COL26A1: variants seen among roughly 807,000 people sequenced by gnomAD.
COL26A1 encodes the protein collagen type XXVI alpha 1 chain.
A neutral mutation model predicts 59.3 loss-of-function variants in COL26A1; 41 were observed. That is an observed-to-expected ratio of 0.69 (90% CI 0.54 to 0.90). The LOEUF (loss-of-function observed/expected upper bound fraction) is 0.90, where lower values mean the gene tolerates loss of function less well. Among genes scored for constraint, COL26A1 ranks in the 40% least tolerant of loss-of-function variants. COL26A1 has a pLI of 0.00. For missense variants in COL26A1, 612 were observed against 602.3 expected, an observed-to-expected ratio of 1.02 and a Z score of -0.17; for synonymous variants, 266 against 256.0, an observed-to-expected ratio of 1.04 and a Z score of -0.37.
At chr7:101,377,025 AC>A (rs1447483201) in intron 1 of COL26A1, among the ~76,000 whole-genome samples, 1 of 151,854 alleles carries the variant, frequency 6.6e-6, no homozygotes, top group Non-Finnish European at 1.5e-5. Flanking sequence ...CACCTGGCTA[AC>A]TGTTGTATGT....
chr7:101,505,048 C>T (rs1373166003), intron 3 of COL26A1, among the ~76,000 whole-genome samples: 2 of 152,070 alleles, frequency 1.3e-5, no homozygotes, highest in Non-Finnish European at 2.9e-5. Context: ...CCAGCTATTC[C>T]AGAGGCTGAG....
intron 3 of COL26A1, among the ~76,000 whole-genome samples, chr7:101,522,291 C>G (rs538509237): frequency 5.6e-4 from 85 of 152,278 alleles, no homozygotes; most frequent in Non-Finnish European, 2.8e-4. Flanking sequence ...GCACCTGTGC[C>G]CAACTGGCTT....
chr7:101,443,364 G>A (rs1483274422), intron 2 of COL26A1, among the ~76,000 whole-genome samples: 1 of 152,080 alleles, frequency 6.6e-6, no homozygotes, highest in African/African-American at 2.4e-5. Flanking sequence ...CACGAGTGCA[G>A]GTTTTTGCTT....
intron 1 of COL26A1, among the ~76,000 whole-genome samples, chr7:101,417,497 C>CTTTT (rs763020003): frequency 0.16 from 21,924 of 133,640 alleles, 2,132 homozygotes; most frequent in Non-Finnish European, 0.22. Flanking sequence ...TGCCTAATAT[C>CTTTT]TTTTTTTTTT....
rs963291425 is a variant in COL26A1, at chr7:101,416,439, C to T, written c.159-3538C>T. Among the ~76,000 whole-genome samples, 12 of 143,618 alleles carry T rather than the reference C, an allele frequency of 8.4e-5. 1 individual carries two copies. Among genetic ancestry groups the T allele is most frequent in the Non-Finnish European group, 1.6e-4 (10 of 63,320 alleles). 94.2% of individuals were successfully genotyped at this position (143,618 alleles called of 152,430 possible). A position where few individuals can be genotyped will look rare whatever the true frequency, so the allele number is the denominator to read the frequency against. On this transcript the variant is annotated intron_variant, in intron 1 of 12. Coordinates refer to ENST00000313669, the MANE Select transcript of COL26A1 (RefSeq NM_001278563.3). ...CATGAGCTACCACACCCAGCCTGAA[C>T]TCATGTCTTTCTTCAGCTCTTGTAA...
At chr7:101,529,878 C>T (rs1795328256) in intron 3 of COL26A1, among the ~76,000 whole-genome samples, 1 of 152,158 alleles carries the variant, frequency 6.6e-6, no homozygotes, top group Admixed American at 6.6e-5. Context: ...CTGGTCAACC[C>T]ACAGAACACA....
chr7:101,402,078 C>T (rs531645134), intron 1 of COL26A1, among the ~76,000 whole-genome samples: 1 of 152,134 alleles, frequency 6.6e-6, no homozygotes, highest in Non-Finnish European at 1.5e-5. Context: ...CCGGGCCTGA[C>T]CTTTGCAGGG....
chr7:101,470,906 G>A (rs181966626), intron 3 of COL26A1, among the ~76,000 whole-genome samples: 48 of 152,168 alleles, frequency 3.2e-4, no homozygotes, highest in Admixed American at 2.4e-3. Context: ...CTGTCTAGGG[G>A]CCCAGCAGGG....
At chr7:101,484,187 A>G (rs537131758) in intron 3 of COL26A1, among the ~76,000 whole-genome samples, 4 of 152,090 alleles carry the variant, frequency 2.6e-5, no homozygotes, top group African/African-American at 9.6e-5. Flanking sequence ...CTAAGCATTC[A>G]CACTGTGCCT....
At chr7:101,396,555 C>T (rs4729703) in intron 1 of COL26A1, among the ~76,000 whole-genome samples, 95,162 of 151,768 alleles carry the variant, frequency 0.63, 30,750 homozygotes, top group East Asian at 0.92. Context: ...CTCTGCCTCC[C>T]GGGTTCAAGC....
At chr7:101,513,397 G>A (rs1403040632) in intron 3 of COL26A1, among the ~76,000 whole-genome samples, 1 of 152,018 alleles carries the variant, frequency 6.6e-6, no homozygotes, top group Non-Finnish European at 1.5e-5. Flanking sequence ...CGTGATCTTG[G>A]CTCACTGCAA....
chr7:101,535,176 C>T (rs1488536722), intron 4 of COL26A1, among the ~76,000 whole-genome samples: 1 of 152,166 alleles, frequency 6.6e-6, no homozygotes, highest in African/African-American at 2.4e-5. Context: ...TCCTTGGAGT[C>T]TTAGCTCTTG....
intron 5 of COL26A1, 144 bp from the exon 6 acceptor site, chr7:101,543,854 G>A (rs1461962231): frequency 3.5e-6 from 2 of 577,310 alleles, no homozygotes; most frequent in African/African-American, 3.7e-5. Context: ...CCAAGGTGAT[G>A]TGAGTGCCTT....
intron 4 of COL26A1, 103 bp from the exon 5 acceptor site, chr7:101,539,790 A>G (rs2130653640): frequency 3.4e-6 from 4 of 1,193,268 alleles, no homozygotes; most frequent in Middle Eastern, 2.6e-4. Context: ...CAGCGTGGAC[A>G]GCTGCAGGTC....
intron 3 of COL26A1, among the ~76,000 whole-genome samples, chr7:101,532,307 C>A (rs1795386695): frequency 1.3e-5 from 2 of 152,004 alleles, no homozygotes; most frequent in Non-Finnish European, 2.9e-5. Context: ...GCAAACTTGA[C>A]CTCGAATTTC....
At chr7:101,401,652 TGGAGGAGGA>T (rs1792003767) in intron 1 of COL26A1, among the ~76,000 whole-genome samples, 2 of 73,738 alleles carry the variant, frequency 2.7e-5, no homozygotes, top group African/African-American at 8.8e-5. Flanking sequence ...GAGGAGGAGG[TGGAGGAGGA>T]AGAGGAGGAA....
At chr7:101,379,781 T>C (rs1791402726) in intron 1 of COL26A1, among the ~76,000 whole-genome samples, 1 of 152,202 alleles carries the variant, frequency 6.6e-6, no homozygotes. Flanking sequence ...CTGGTCGTCC[T>C]CACTGTTACA....
chr7:101,414,588 C>A (rs1400923756), intron 1 of COL26A1, among the ~76,000 whole-genome samples: 1 of 152,130 alleles, frequency 6.6e-6, no homozygotes, highest in Admixed American at 6.6e-5. Flanking sequence ...CAGGCACCTG[C>A]CACCACACCC....
intron 1 of COL26A1, among the ~76,000 whole-genome samples, chr7:101,408,251 T>A (rs61110965): frequency 0.038 from 5,797 of 152,220 alleles, 117 homozygotes; most frequent in East Asian, 0.044. Context: ...GAGGCAGGAA[T>A]GAGCAGAAGG....
Sources: allele counts gnomAD v4.1 joint callset (sites outside exome capture counted in the v4.1 genomes callset), GRCh38; gene constraint gnomAD v4.1.1; transcripts MANE v1.5; gene names NCBI Gene and HGNC (gene_info 2026-07-23, HGNC 2026-07-21).